The following MICAL3 variants were observed in gnomAD, a reference collection of about 807,000 sequenced individuals.
The protein encoded by MICAL3 is microtubule associated monooxygenase, calponin and LIM domain containing 3, also known as [F-actin]-monooxygenase MICAL3.
In MICAL3, 62 loss-of-function variants were observed where a neutral mutation model predicts 207.4. The ratio of observed to expected loss-of-function variants is 0.30; its 90% confidence interval spans 0.24 to 0.37. The LOEUF (loss-of-function observed/expected upper bound fraction) is 0.37. MICAL3 is among the 10% of genes least tolerant of loss of function. The probability of loss-of-function intolerance (pLI) is 1.00; values close to 1 mark genes in which losing one functional copy is unlikely to be tolerated. For synonymous variants in MICAL3, 1,077 were observed against 1,069.3 expected (o/e 1.01, Z -0.14); for missense variants, 2,368 against 2,635.6 (o/e 0.90, Z 2.22).
chr22:17,875,776 A>G (rs1928267364), intron 16 of MICAL3, among the ~76,000 whole-genome samples: 1 of 151,496 alleles, frequency 6.6e-6, no homozygotes, highest in South Asian at 2.1e-4. Context: ...TCATGCTTGC[A>G]GCAGAGCACA....
chr22:17,928,434 G>A (rs755908237), intron 1 of MICAL3, among the ~76,000 whole-genome samples: 15 of 137,080 alleles, frequency 1.1e-4, no homozygotes, highest in South Asian at 2.2e-4. Context: ...GCAAGACTCC[G>A]TCTCAAAAAA....
At chr22:17,792,747 T>TAA (rs1395705951) in intron 29 of MICAL3, among the ~76,000 whole-genome samples, 1 of 152,224 alleles carries the variant, frequency 6.6e-6, no homozygotes, top group Admixed American at 6.5e-5. Context: ...CCAAGGGGGT[T>TAA]CCTGCCCCTG....
At chr22:17,862,512 G>A (rs984853913) in intron 19 of MICAL3, 38 of 854,198 alleles carry the variant, frequency 4.4e-5, no homozygotes, top group African/African-American at 5.5e-5. Flanking sequence ...TGCCCGCCTC[G>A]GCCTCCCAAA....
At chr22:17,865,780 G>C in intron 18 of MICAL3, 144 bp downstream of exon 18, 1 of 684,282 alleles carries the variant, frequency 1.5e-6, no homozygotes. Flanking sequence ...TCTCCACCCC[G>C]GACTGCCACT....
At chr22:17,936,118 C>A (rs1010341897) in intron 1 of MICAL3, among the ~76,000 whole-genome samples, 3 of 152,170 alleles carry the variant, frequency 2.0e-5, no homozygotes, top group African/African-American at 7.2e-5. Flanking sequence ...TATAAAGACA[C>A]ATGCACACGC....
At chr22:17,967,856 C>T (rs1272048106) in intron 1 of MICAL3, among the ~76,000 whole-genome samples, 1 of 123,046 alleles carries the variant, frequency 8.1e-6, no homozygotes, top group Admixed American at 8.9e-5. Context: ...ACCAGCCTGA[C>T]CAACATGGTG....
intron 1 of MICAL3, among the ~76,000 whole-genome samples, chr22:17,924,717 A>T (rs1932875406): frequency 6.6e-6 from 1 of 152,236 alleles, no homozygotes; most frequent in Non-Finnish European, 1.5e-5. Flanking sequence ...TTGTTAAAGG[A>T]CCTTAATTAA....
intron 19 of MICAL3, among the ~76,000 whole-genome samples, chr22:17,853,148 T>C (rs1475896525): frequency 6.6e-6 from 1 of 151,984 alleles, no homozygotes; most frequent in Non-Finnish European, 1.5e-5. Context: ...GTTACTATAG[T>C]GAAGAGCCCC....
rs534066251 is a variant in MICAL3 at position 17,870,538 on chromosome 22, G to C, written c.2428+1299C>G. Among the ~76,000 whole-genome samples the C allele has an allele frequency of 3.3e-5, 5 of 152,288 alleles. No individual in the cohort carries two copies. The East Asian group carries it at 9.6e-4, about 29-fold the overall frequency. The stretch of plus-strand genomic sequence containing the variant: ...ACACCCATGGGCAAAAGTACCTGTA[G>C]ATCAATTAGCTGCACCTTGCGACAT... On this transcript the variant is annotated intron_variant, in intron 17 of 31. Coordinates refer to ENST00000441493, the MANE Select transcript of MICAL3 (RefSeq NM_015241.3).
intron 16 of MICAL3, among the ~76,000 whole-genome samples, chr22:17,872,510 T>G (rs150487962): frequency 5.9e-5 from 9 of 152,304 alleles, no homozygotes; most frequent in African/African-American, 2.2e-4. Context: ...GTTCTGAGGG[T>G]AGCTGTATCT....
intron 5 of MICAL3, 149 bp downstream of exon 5, chr22:17,901,729 T>C: frequency 2.0e-6 from 1 of 510,220 alleles, no homozygotes; most frequent in Non-Finnish European, 3.5e-6. Flanking sequence ...GGCTAGAGGA[T>C]GGTGGGGCCT....
chr22:17,827,972 C>A (rs1657710972), intron 21 of MICAL3, among the ~76,000 whole-genome samples, 191 bp from the exon 22 acceptor site: 1 of 152,284 alleles, frequency 6.6e-6, no homozygotes. Flanking sequence ...GACACACAGA[C>A]ACACACGCAC....
In MICAL3 at chr22:17,847,437, C is replaced by T. The variant is rs184774723; in HGVS notation, c.2606-5420G>A. Among the ~76,000 whole-genome samples, 16 of 152,228 alleles carry T rather than the reference C, an allele frequency of 1.1e-4. No individual in the cohort carries two copies. In the East Asian group the frequency reaches 2.7e-3, roughly 26 times the overall value. The stretch of plus-strand genomic sequence containing the variant: ...GGCTGCAGGGGTTCATTCATCCAAT[C>T]ACTGATTCAACAAATGTTTCTTCAC... On this transcript the variant is annotated intron_variant, in intron 19 of 31. Transcript: ENST00000441493.
rs568812809 is a variant in MICAL3 at position 17,896,662 on chromosome 22, C to T, written c.1206+62G>A. On this transcript the variant is annotated intron_variant, in intron 8 of 31. Coordinates refer to ENST00000441493, the MANE Select transcript of MICAL3 (RefSeq NM_015241.3). ...GACGCTCATTCCAAGACCCAGGATGCCCAGATTCACTCCTAATTATTCCTG... is the reference window on the plus strand; with the variant it reads ...GACGCTCATTCCAAGACCCAGGATGTCCAGATTCACTCCTAATTATTCCTG... The T allele has an allele frequency of 3.2e-6, 5 of 1,546,702 alleles. No individual in the cohort carries two copies. In the South Asian group the frequency reaches 4.8e-5, roughly 15 times the overall value.
At chr22:17,924,020 A>G (rs550903545) in intron 1 of MICAL3, among the ~76,000 whole-genome samples, 10 of 152,200 alleles carry the variant, frequency 6.6e-5, no homozygotes, top group Admixed American at 1.3e-4. Context: ...TGCAGCACGA[A>G]GAGGGAGAGA....
At position 17,827,598 on chromosome 22, in the gene MICAL3, G is replaced by A. The variant is rs368890503; in HGVS notation, c.3193+46C>T. ...CCCTGTGGCGACAGAGGCAGCAGGC[G>A]GGTGGTGCTCGGGGCACACTGCGGC... On this transcript the variant is annotated intron_variant, in intron 22 of 31. Coordinates refer to ENST00000441493, the MANE Select transcript of MICAL3 (RefSeq NM_015241.3). 1.0e-4 allele frequency: 154 copies of A among 1,510,938 alleles called. 1 individual carries two copies. Among genetic ancestry groups the A allele is most frequent in the Admixed American group, 2.2e-4 (11 of 49,588 alleles). 93.6% of individuals were successfully genotyped at this position (1,510,938 alleles called of 1,614,324 possible).
chr22:17,915,953 T>C (rs955796507), intron 1 of MICAL3, among the ~76,000 whole-genome samples: 3 of 146,088 alleles, frequency 2.1e-5, no homozygotes, highest in African/African-American at 7.6e-5. Context: ...TAGCCAGGCA[T>C]AGATGCACAC....
chr22:17,844,250 C>T (rs1184869621), intron 19 of MICAL3, among the ~76,000 whole-genome samples: 1 of 152,158 alleles, frequency 6.6e-6, no homozygotes, highest in Non-Finnish European at 1.5e-5. Context: ...ATTCCTGCAA[C>T]ATTCTAAGCT....
chr22:17,803,050 T>C (rs1445259762), intron 29 of MICAL3, among the ~76,000 whole-genome samples: 1 of 152,156 alleles, frequency 6.6e-6, no homozygotes, highest in Non-Finnish European at 1.5e-5. Flanking sequence ...CACTGGAAGG[T>C]CTGTTACAGC....
Sources: allele counts gnomAD v4.1 joint callset (sites outside exome capture counted in the v4.1 genomes callset), GRCh38; gene constraint gnomAD v4.1.1; transcripts MANE v1.5; gene names NCBI Gene and HGNC (gene_info 2026-07-23, HGNC 2026-07-21).